Variants in SGSM1 observed in about 807,000 individuals in gnomAD.
The protein encoded by SGSM1 is RUN and TBC1 domain containing 2.
A neutral mutation model predicts 133.8 loss-of-function variants in SGSM1; 73 were observed. That is an observed-to-expected ratio of 0.55 (90% CI 0.45 to 0.66). The LOEUF is 0.66. Ranked by LOEUF, SGSM1 falls within the 30% of genes least tolerant of loss-of-function variation. SGSM1 has a pLI of 0.00. For missense variants in SGSM1, 1,213 were observed against 1,448.1 expected, an observed-to-expected ratio of 0.84 and a Z score of 2.64; for synonymous variants, 563 against 573.0, an observed-to-expected ratio of 0.98 and a Z score of 0.25.
intron 2 of SGSM1, among the ~76,000 whole-genome samples, chr22:24,835,546 G>A (rs186094197): frequency 1.7e-4 from 26 of 152,222 alleles, no homozygotes; most frequent in Admixed American, 3.9e-4. Flanking sequence ...CAGAAAAAGG[G>A]GTATGTTGGG....
At chr22:24,841,025 T>C (rs971632076) in intron 2 of SGSM1, among the ~76,000 whole-genome samples, 4 of 152,026 alleles carry the variant, frequency 2.6e-5, no homozygotes, top group East Asian at 3.9e-4. Context: ...TAATTTTTTG[T>C]ATTTTTAGTA....
chr22:24,876,625 G>A lies in SGSM1; in HGVS notation c.1340G>A (p.Trp447Ter). The A allele has an allele frequency of 6.2e-7, 1 of 1,613,970 alleles. No homozygotes were observed. ...DVSVSNLPSL[W>*]QPSPRKSSCS... The stretch of plus-strand genomic sequence containing the variant: ...TCTGTAAGCAACCTCCCATCCCTGT[G>A]GCAGCCCAGTCCCCGGAAGTCCTCC... The change falls in exon 13 of 25, where the codon TGG (tryptophan) becomes TAG (stop). Residue 447 changes from tryptophan (W) to a stop codon, truncating the protein, a stop_gained. Transcript: ENST00000400358. LOFTEE classifies it high-confidence loss of function.
At chr22:24,867,325 C>T (rs943575885) in intron 10 of SGSM1, among the ~76,000 whole-genome samples, 165 bp downstream of exon 10, 2 of 152,206 alleles carry the variant, frequency 1.3e-5, no homozygotes, top group Admixed American at 6.5e-5. Flanking sequence ...CCTCAGTTTC[C>T]CCATCTGTAA....
chr22:24,815,776 A>T (rs1268612162), intron 2 of SGSM1, among the ~76,000 whole-genome samples: 1 of 152,020 alleles, frequency 6.6e-6, no homozygotes, highest in African/African-American at 2.4e-5. Flanking sequence ...GGTAAGGAAA[A>T]GGAGTTGGTC....
At chr22:24,855,161 A>C in intron 6 of SGSM1, 98 bp downstream of exon 6, 4 of 1,551,800 alleles carry the variant, frequency 2.6e-6, no homozygotes, top group Admixed American at 1.9e-5. Flanking sequence ...AGCCTTGCCC[A>C]TGGAAATGCA....
chr22:24,895,018 A>C (rs956711601), intron 17 of SGSM1, among the ~76,000 whole-genome samples: 4 of 152,196 alleles, frequency 2.6e-5, no homozygotes, highest in Non-Finnish European at 5.9e-5. Flanking sequence ...CAGAGGTCAA[A>C]GCGGTCTCTG....
At chr22:24,816,851 G>A (rs1928117355) in intron 2 of SGSM1, among the ~76,000 whole-genome samples, 1 of 152,030 alleles carries the variant, frequency 6.6e-6, no homozygotes, top group South Asian at 2.1e-4. Flanking sequence ...CAGCTCTAGG[G>A]GCACATTCTG....
chr22:24,886,536 C>T (rs1222673034), intron 15 of SGSM1, 64 bp from the exon 16 acceptor site: 2 of 1,527,990 alleles, frequency 1.3e-6, no homozygotes, highest in Non-Finnish European at 1.8e-6. Context: ...AAACCCCATC[C>T]CTACTAAAAC....
chr22:24,806,467 C>T lies in SGSM1; in HGVS notation c.46C>T (p.Arg16Cys). Residue 16 changes from arginine to cysteine, a missense_variant, in exon 2 of 25, where the codon CGC (arginine) becomes TGC (cysteine). Physicochemically the swap from Arg to Cys is radical, Grantham distance 180. Transcript: ENST00000400358. The stretch of plus-strand genomic sequence containing the variant: ...GGCGGAGACCCGACAGAGGCTGCTA[C>T]GCACCGTCAAGAAGGAGGTGGGTGC... Reference protein sequence around the residue: ...AEAETRQRLLRTVKKEVKQIM... With the variant: ...AEAETRQRLLCTVKKEVKQIM... 1.3e-6 allele frequency: 2 copies of T among 1,520,338 alleles called. No homozygotes were observed. Among genetic ancestry groups the T allele is most frequent in the African/African-American group, 1.4e-5 (1 of 69,878 alleles). The allele number at this position is 1,520,338 out of a possible 1,614,324, so 94.2% of individuals were successfully genotyped here.
chr22:24,880,692 C>A (rs1932268550), intron 14 of SGSM1, among the ~76,000 whole-genome samples: 1 of 152,080 alleles, frequency 6.6e-6, no homozygotes, highest in Non-Finnish European at 1.5e-5. Flanking sequence ...AGGCATTGGG[C>A]AAGTATTTAT....
rs1930223566 is a variant in SGSM1 at position 24,847,658 on chromosome 22, A to C, written c.164A>C (p.His55Pro). 1 of 1,613,670 alleles carries C rather than the reference A, an allele frequency of 6.2e-7. No homozygotes were observed. The highest frequency in any genetic ancestry group is 1.7e-4 in the Middle Eastern group (1 of 6,014). The change falls in exon 4 of 25, where the codon CAC (histidine) becomes CCC (proline). Residue 55 changes from histidine (H) to proline (P), a missense_variant. By Grantham distance (77) the His-to-Pro change is moderately conservative. Transcript: ENST00000400358. ...GCGGCTGTGGAGGCCTGCGTTCTGC[A>C]CGGGCTTCGGCGGCGGGCGGCTGGC... is the stretch of plus-strand genomic sequence containing the variant. The part of the protein sequence containing the change: ...FCAAVEACVL[H>P]GLRRRAAGFL...
intron 8 of SGSM1, among the ~76,000 whole-genome samples, chr22:24,857,011 G>A (rs1347555880): frequency 1.3e-5 from 2 of 151,872 alleles, no homozygotes; most frequent in African/African-American, 4.8e-5. Flanking sequence ...CTTGTGATCT[G>A]CCCGCTTTGG....
chr22:24,906,642 T>G (rs1933390397), intron 21 of SGSM1, among the ~76,000 whole-genome samples: 1 of 152,148 alleles, frequency 6.6e-6, no homozygotes. Flanking sequence ...TCTAGAAGAA[T>G]ACAGTACTGG....
chr22:24,886,842 A>C (rs1932636375), intron 16 of SGSM1, 114 bp downstream of exon 16: 3 of 1,343,318 alleles, frequency 2.2e-6, no homozygotes, highest in Non-Finnish European at 3.0e-6. Flanking sequence ...AGATACGGGG[A>C]AGATGGGAAC....
intron 2 of SGSM1, among the ~76,000 whole-genome samples, chr22:24,826,136 G>T (rs1344158020): frequency 1.3e-5 from 2 of 152,222 alleles, no homozygotes; most frequent in Non-Finnish European, 2.9e-5. Context: ...AAATAGGTTT[G>T]CCAGTTTTAG....
chr22:24,898,515 GC>G lies in SGSM1; in HGVS notation c.2568del (p.Asn857ThrfsTer23). 6.2e-7 allele frequency: 1 copy of G among 1,613,386 alleles called. No individual in the cohort carries two copies. Among genetic ancestry groups the G allele is most frequent in the Non-Finnish European group, 8.5e-7 (1 of 1,179,610 alleles). The stretch of plus-strand genomic sequence containing the variant: ...GGCTTCTCTGGCTGTGACTACTTCT[GC>G]CAACGAGGTGTCCCCTGTGTCTTCC... Reference protein sequence around the residue: ...ALASLAVTTSANEVSPVSSSG... With the variant: ...ALASLAVTTSXNEVSPVSSSG... On this transcript the variant is annotated frameshift_variant, in exon 19 of 25. Transcript: ENST00000400358. LOFTEE classifies it high-confidence loss of function.
At chr22:24,821,353 T>G (rs1190581177) in intron 2 of SGSM1, among the ~76,000 whole-genome samples, 1 of 152,116 alleles carries the variant, frequency 6.6e-6, no homozygotes, top group Non-Finnish European at 1.5e-5. Flanking sequence ...GATATCTTGA[T>G]GATGAAAACA....
chr22:24,821,661 G>A (rs1928477057), intron 2 of SGSM1, among the ~76,000 whole-genome samples: 1 of 152,202 alleles, frequency 6.6e-6, no homozygotes, highest in African/African-American at 2.4e-5. Flanking sequence ...TGGCCTGTCT[G>A]CTGAAAGTCG....
At chr22:24,920,054 A>G (rs751567191) in intron 24 of SGSM1, 61 bp downstream of exon 24, 2 of 1,523,276 alleles carry the variant, frequency 1.3e-6, no homozygotes, top group African/African-American at 2.8e-5. Context: ...CCTTTTGGGC[A>G]TCTCAGGAGG....
Sources: allele counts gnomAD v4.1 joint callset (sites outside exome capture counted in the v4.1 genomes callset), GRCh38; gene constraint gnomAD v4.1.1; transcripts MANE v1.5; gene names NCBI Gene and HGNC (gene_info 2026-07-23, HGNC 2026-07-21).